AP3B1: variants seen among roughly 807,000 people sequenced by gnomAD.
AP3B1 encodes the protein adaptor related protein complex 3 subunit beta 1.
AP3B1 carries 61 observed loss-of-function variants against 132.5 expected under a neutral mutation model. The observed-to-expected ratio is 0.46, with a 90% CI of 0.37 to 0.57. The LOEUF is 0.57. Among genes scored for constraint, AP3B1 ranks in the 20% least tolerant of loss-of-function variants. The pLI is 0.00. For synonymous variants in AP3B1, 388 were observed against 438.3 expected (o/e 0.89, Z 1.43); for missense variants, 1,120 against 1,289.4 (o/e 0.87, Z 2.01).
At position 78,113,799 on chromosome 5, in the gene AP3B1, T is replaced by G. The variant is rs1267983991; in HGVS notation, c.2202A>C (p.Leu734=). The G allele has an allele frequency of 4.3e-6, 7 of 1,614,214 alleles. No individual in the cohort carries two copies. In the South Asian group the frequency reaches 7.7e-5, roughly 18 times the overall value. Reference sequence around the variant, plus strand: ...TCCTCTTGGCTGTTCTTTTGTTTTCTAGGCCTGACTCCCGTCCACTCTCAC... The same window carrying G: ...TCCTCTTGGCTGTTCTTTTGTTTTCGAGGCCTGACTCCCGTCCACTCTCAC... ...QDSESGRESG[L]ENKRTAKRNS... Residue 734 remains leucine (L), a synonymous_variant, in exon 19 of 27, where the codon CTA becomes CTC. Transcript: ENST00000255194.
intron 22 of AP3B1, among the ~76,000 whole-genome samples, chr5:78,061,954 T>A (rs1749079488): frequency 6.6e-6 from 1 of 152,228 alleles, no homozygotes; most frequent in Non-Finnish European, 1.5e-5. Context: ...TCACCTTCAC[T>A]GCTAGCTACT....
At chr5:78,204,792 G>C (rs1745437312) in intron 7 of AP3B1, among the ~76,000 whole-genome samples, 1 of 152,206 alleles carries the variant, frequency 6.6e-6, no homozygotes, top group South Asian at 2.1e-4. Context: ...AGGCAGAGAA[G>C]GGAGGATAGA....
At chr5:78,224,638 G>A (rs1746329237) in intron 6 of AP3B1, among the ~76,000 whole-genome samples, 2 of 151,674 alleles carry the variant, frequency 1.3e-5, no homozygotes, top group Non-Finnish European at 2.9e-5. Context: ...AATATAAACA[G>A]GCTGAAAGTA....
intron 21 of AP3B1, among the ~76,000 whole-genome samples, chr5:78,097,207 C>T (rs1235113736): frequency 2.5e-5 from 3 of 120,516 alleles, no homozygotes; most frequent in East Asian, 2.5e-4. Context: ...CCCCTCTGCC[C>T]GGCCAGCCAC....
intron 22 of AP3B1, among the ~76,000 whole-genome samples, chr5:78,065,165 G>A (rs182489879): frequency 1.2e-4 from 18 of 152,250 alleles, no homozygotes; most frequent in Non-Finnish European, 1.9e-4. Flanking sequence ...AGGAAACCAC[G>A]CCTTTTCCAT....
intron 1 of AP3B1, among the ~76,000 whole-genome samples, chr5:78,267,829 A>C (rs181964841): frequency 6.6e-6 from 1 of 152,318 alleles, no homozygotes; most frequent in African/African-American, 2.4e-5. Context: ...TCTGCTGATT[A>C]AGCCACCCAG....
chr5:78,099,842 T>G (rs530242446), intron 21 of AP3B1, among the ~76,000 whole-genome samples: 27 of 149,684 alleles, frequency 1.8e-4, no homozygotes, highest in African/African-American at 6.2e-4. Flanking sequence ...TGAGCCGAGG[T>G]AGTGCCACTA....
intron 3 of AP3B1, among the ~76,000 whole-genome samples, chr5:78,233,465 C>T (rs1270044427): frequency 6.6e-6 from 1 of 151,690 alleles, no homozygotes; most frequent in Non-Finnish European, 1.5e-5. Context: ...GAACTCCTGA[C>T]CTCAGGTGAT....
At chr5:78,142,587 C>T (rs1753200620) in intron 14 of AP3B1, among the ~76,000 whole-genome samples, 1 of 151,874 alleles carries the variant, frequency 6.6e-6, no homozygotes, top group Admixed American at 6.6e-5. Context: ...ACAATATCTA[C>T]CATTGCAAAA....
chr5:78,247,282 G>T (rs1374543526), intron 2 of AP3B1, among the ~76,000 whole-genome samples: 2 of 148,182 alleles, frequency 1.3e-5, no homozygotes, highest in African/African-American at 2.4e-5. Flanking sequence ...ATAATATATA[G>T]ATAATATAGA....
chr5:78,103,706 A>G (rs1402206120), intron 20 of AP3B1, among the ~76,000 whole-genome samples: 1 of 152,174 alleles, frequency 6.6e-6, no homozygotes, highest in Non-Finnish European at 1.5e-5. Flanking sequence ...CTAGTTATCA[A>G]TTCATCATCC....
At chr5:78,117,949 G>A (rs1007617821) in intron 17 of AP3B1, among the ~76,000 whole-genome samples, 1 of 152,144 alleles carries the variant, frequency 6.6e-6, no homozygotes, top group South Asian at 2.1e-4. Context: ...TTTTTCCTAT[G>A]TGCAAGTCTT....
chr5:78,032,686 C>T (rs1343878131), intron 24 of AP3B1, among the ~76,000 whole-genome samples: 1 of 151,738 alleles, frequency 6.6e-6, no homozygotes, highest in African/African-American at 2.4e-5. Context: ...CTTTTTGGAA[C>T]ACACACACAA....
At chr5:78,087,757 G>T in intron 22 of AP3B1, 1 of 915,320 alleles carries the variant, frequency 1.1e-6, no homozygotes, top group Non-Finnish European at 1.3e-6. Flanking sequence ...TTTACTACAA[G>T]CTTTTCTAAT....
chr5:78,143,986 C>T (rs111875932), intron 14 of AP3B1, among the ~76,000 whole-genome samples: 6,176 of 152,000 alleles, frequency 0.041, 184 homozygotes, highest in East Asian at 0.14. Context: ...GCCTGGGTGA[C>T]AGAGCGAGAC....
intron 7 of AP3B1, among the ~76,000 whole-genome samples, chr5:78,204,639 A>C (rs1457821948): frequency 6.6e-6 from 1 of 152,210 alleles, no homozygotes. Context: ...GGGCATTAGT[A>C]GATAATTTGT....
At chr5:78,080,453 CT>C (rs536764034) in intron 22 of AP3B1, among the ~76,000 whole-genome samples, 7,618 of 138,080 alleles carry the variant, frequency 0.055, 506 homozygotes, top group African/African-American at 0.17. Context: ...TTCCAATTTT[CT>C]TTTTTTTTTT....
intron 2 of AP3B1, among the ~76,000 whole-genome samples, chr5:78,259,468 T>A (rs1443294606): frequency 1.3e-5 from 2 of 152,056 alleles, no homozygotes; most frequent in African/African-American, 2.4e-5. Context: ...GAAAATAGGG[T>A]GACCACAATC....
At chr5:78,097,099 G>A (rs1423174468) in intron 21 of AP3B1, among the ~76,000 whole-genome samples, 2 of 124,628 alleles carry the variant, frequency 1.6e-5, no homozygotes, top group East Asian at 2.3e-4. Context: ...CGCCCCGTCC[G>A]GGAGGGAGGT....
Sources: allele counts gnomAD v4.1 joint callset (sites outside exome capture counted in the v4.1 genomes callset), GRCh38; gene constraint gnomAD v4.1.1; transcripts MANE v1.5; gene names NCBI Gene and HGNC (gene_info 2026-07-23, HGNC 2026-07-21).